CSNK1G1: variants seen among roughly 807,000 people sequenced by gnomAD.
CSNK1G1 encodes the protein casein kinase I isoform gamma-1.
Under a neutral mutation model 59.6 loss-of-function variants are expected in CSNK1G1, and 22 were observed. That is an observed-to-expected ratio of 0.37 (90% CI 0.26 to 0.53). The LOEUF is 0.53. Among genes scored for constraint, CSNK1G1 ranks in the 20% least tolerant of loss-of-function variants. CSNK1G1 has a pLI of 0.89. For synonymous variants in CSNK1G1, 179 were observed against 177.1 expected (o/e 1.01, Z -0.08); for missense variants, 384 against 519.5 (o/e 0.74, Z 2.54).
At chr15:64,322,718 A>T (rs751506881) in intron 1 of CSNK1G1, among the ~76,000 whole-genome samples, 1 of 152,126 alleles carries the variant, frequency 6.6e-6, no homozygotes, top group Non-Finnish European at 1.5e-5. Context: ...CTGTAGTCCC[A>T]GCTACTCAGG....
chr15:64,281,937 TTTAAACACAGTGTCTA>T (rs1894162904), intron 2 of CSNK1G1, among the ~76,000 whole-genome samples: 1 of 151,982 alleles, frequency 6.6e-6, no homozygotes, highest in Non-Finnish European at 1.5e-5. Context: ...TTTTTTTTTT[TTTAAACACAGTGTCTA>T]TTCTGCTGCC....
chr15:64,337,931 A>G (rs1897475782), intron 1 of CSNK1G1, among the ~76,000 whole-genome samples: 1 of 152,184 alleles, frequency 6.6e-6, no homozygotes, highest in South Asian at 2.1e-4. Context: ...TATACTAAGC[A>G]TGTTTTCAAA....
chr15:64,185,075 T>C (rs546767153), intron 10 of CSNK1G1, among the ~76,000 whole-genome samples: 18 of 152,222 alleles, frequency 1.2e-4, no homozygotes, highest in Non-Finnish European at 2.4e-4. Context: ...AAATATATTA[T>C]CTTCTTGCAT....
In CSNK1G1 at chr15:64,283,299, T is replaced by C. The variant is rs1012236520; in HGVS notation, c.181+17020A>G. ...CTAGCCCATTGTTAGATACATAATTTCCAAATATTTTTCTCCCATTATGTA... is the reference window on the plus strand; with the variant it reads ...CTAGCCCATTGTTAGATACATAATTCCCAAATATTTTTCTCCCATTATGTA... On this transcript the variant is annotated intron_variant, in intron 2 of 11. Transcript: ENST00000303052. Among the ~76,000 whole-genome samples, 8 of 152,104 alleles carry C rather than the reference T, an allele frequency of 5.3e-5. No homozygotes were observed. In the East Asian group the frequency reaches 1.5e-3, roughly 29 times the overall value.
At chr15:64,244,413 G>T (rs1040999367) in intron 4 of CSNK1G1, among the ~76,000 whole-genome samples, 1 of 148,138 alleles carries the variant, frequency 6.8e-6, no homozygotes, top group African/African-American at 2.5e-5. Context: ...GACATCCCTT[G>T]TTCATAGATT....
chr15:64,231,831 C>T (rs771847667), intron 4 of CSNK1G1, among the ~76,000 whole-genome samples: 11 of 152,128 alleles, frequency 7.2e-5, no homozygotes, highest in Non-Finnish European at 1.5e-4. Flanking sequence ...GTTACAGTTA[C>T]TTACCATTAT....
At chr15:64,349,341 C>T (rs1182630426) in intron 1 of CSNK1G1, among the ~76,000 whole-genome samples, 2 of 152,040 alleles carry the variant, frequency 1.3e-5, no homozygotes, top group South Asian at 2.1e-4. Context: ...TCTCCCTTTT[C>T]GTGGCAAGGG....
At chr15:64,281,567 G>T (rs1396899113) in intron 2 of CSNK1G1, among the ~76,000 whole-genome samples, 1 of 152,194 alleles carries the variant, frequency 6.6e-6, no homozygotes, top group East Asian at 1.9e-4. Flanking sequence ...GCTGGGGGCG[G>T]TGGCTCAAGC....
At chr15:64,303,796 T>C (rs948746754) in intron 1 of CSNK1G1, among the ~76,000 whole-genome samples, 1 of 149,596 alleles carries the variant, frequency 6.7e-6, no homozygotes, top group Non-Finnish European at 1.5e-5. Flanking sequence ...CGCACACCTG[T>C]GGTCCCAGTG....
chr15:64,350,164 A>G (rs1466182354), intron 1 of CSNK1G1, among the ~76,000 whole-genome samples: 1 of 152,138 alleles, frequency 6.6e-6, no homozygotes, highest in East Asian at 1.9e-4. Context: ...TTAAGCTTCC[A>G]TCAACAAGTG....
chr15:64,195,443 T>G (rs1000602972), intron 10 of CSNK1G1, among the ~76,000 whole-genome samples: 8 of 152,280 alleles, frequency 5.3e-5, no homozygotes, highest in South Asian at 4.1e-4. Context: ...TATGTAGCAT[T>G]TACGTAAGGA....
chr15:64,324,570 C>T (rs918469912), intron 1 of CSNK1G1, among the ~76,000 whole-genome samples: 13 of 152,244 alleles, frequency 8.5e-5, no homozygotes, highest in South Asian at 6.2e-4. Context: ...CGGCCACAGA[C>T]TGGAGGCTGC....
chr15:64,243,943 T>C (rs1891613087), intron 4 of CSNK1G1, among the ~76,000 whole-genome samples: 1 of 151,776 alleles, frequency 6.6e-6, no homozygotes, highest in Non-Finnish European at 1.5e-5. Flanking sequence ...CCTAGGCAGG[T>C]GGATCACCTG....
At chr15:64,339,314 ATTG>A (rs1350981342) in intron 1 of CSNK1G1, among the ~76,000 whole-genome samples, 2 of 151,788 alleles carry the variant, frequency 1.3e-5, no homozygotes, top group South Asian at 4.2e-4. Context: ...TTTTGTTGTT[ATTG>A]TTGTTGTTGT....
intron 1 of CSNK1G1, among the ~76,000 whole-genome samples, chr15:64,310,956 G>T (rs574682114): frequency 7.1e-6 from 1 of 141,120 alleles, no homozygotes; most frequent in African/African-American, 2.7e-5. Flanking sequence ...AGTGAGCAGA[G>T]ATCGCACCAC....
chr15:64,285,971 A>T (rs1566933861), intron 2 of CSNK1G1, among the ~76,000 whole-genome samples: 1 of 152,112 alleles, frequency 6.6e-6, no homozygotes, highest in Non-Finnish European at 1.5e-5. Context: ...CTCCGGCCTC[A>T]CTTCCTAATA....
chr15:64,306,632 T>C (rs536657886), intron 1 of CSNK1G1, among the ~76,000 whole-genome samples: 1 of 152,172 alleles, frequency 6.6e-6, no homozygotes, highest in African/African-American at 2.4e-5. Context: ...TTTCTTGGTA[T>C]TGACCCAAAT....
chr15:64,208,129 A>C (rs1223639255), intron 6 of CSNK1G1, among the ~76,000 whole-genome samples: 1 of 152,206 alleles, frequency 6.6e-6, no homozygotes. Flanking sequence ...ACATCAGTAC[A>C]TACTCTCTTG....
chr15:64,279,699 C>T (rs1291552431), intron 2 of CSNK1G1, among the ~76,000 whole-genome samples: 2 of 152,144 alleles, frequency 1.3e-5, no homozygotes, highest in Non-Finnish European at 2.9e-5. Flanking sequence ...ACAGGCCAGG[C>T]ACAGTGGCTC....
Sources: gnomAD v4.1 joint callset for allele counts (sites outside exome capture counted in the v4.1 genomes callset) on GRCh38, gnomAD v4.1.1 for gene constraint, MANE v1.5 for transcripts, NCBI Gene and HGNC (gene_info 2026-07-23, HGNC 2026-07-21) for gene names.